The following NGLY1 variants were observed in gnomAD, a reference collection of about 807,000 sequenced individuals.
NGLY1 encodes the protein N-glycanase 1.
A neutral mutation model predicts 84.6 loss-of-function variants in NGLY1; 68 were observed. The ratio of observed to expected loss-of-function variants is 0.80; its 90% CI spans 0.66 to 0.98. The LOEUF is 0.98. NGLY1 is among the 50% of genes least tolerant of loss of function. The pLI is 0.00. For synonymous variants in NGLY1, 280 were observed against 275.2 expected (o/e 1.02, Z -0.17); for missense variants, 779 against 770.2 (o/e 1.01, Z -0.14).
At chr3:25,753,167 A>C (rs1218615572) in intron 3 of NGLY1, among the ~76,000 whole-genome samples, 1 of 152,200 alleles carries the variant, frequency 6.6e-6, no homozygotes, top group Admixed American at 6.5e-5. Context: ...ACAAAATCCT[A>C]AGAGTCTTCA....
At chr3:25,761,604 C>T (rs1338817617) in intron 3 of NGLY1, among the ~76,000 whole-genome samples, 1 of 152,212 alleles carries the variant, frequency 6.6e-6, no homozygotes, top group African/African-American at 2.4e-5. Flanking sequence ...TCACATATTT[C>T]TGATGATAAA....
intron 5 of NGLY1, among the ~76,000 whole-genome samples, chr3:25,738,758 T>A (rs1705971790): frequency 1.3e-5 from 2 of 151,974 alleles, no homozygotes; most frequent in Admixed American, 1.3e-4. Flanking sequence ...CCTCCCCATA[T>A]AGAGAAGAGC....
At chr3:25,774,429 G>A (rs1046194290) in intron 2 of NGLY1, among the ~76,000 whole-genome samples, 5 of 152,342 alleles carry the variant, frequency 3.3e-5, no homozygotes, top group Admixed American at 3.3e-4. Context: ...GGTTAGGCAT[G>A]TCTGAGAGCA....
At chr3:25,753,308 C>G (rs1459157309) in intron 3 of NGLY1, among the ~76,000 whole-genome samples, 1 of 152,064 alleles carries the variant, frequency 6.6e-6, no homozygotes, top group Admixed American at 6.5e-5. Flanking sequence ...CCCAGTTAAA[C>G]TAATCATGTA....
intron 1 of NGLY1, among the ~76,000 whole-genome samples, chr3:25,779,341 C>G (rs1198019654): frequency 6.6e-6 from 1 of 152,084 alleles, no homozygotes; most frequent in African/African-American, 2.4e-5. Context: ...AAGTAACCAG[C>G]ACATGAAAAG....
At chr3:25,756,129 G>A (rs1559547162) in intron 3 of NGLY1, among the ~76,000 whole-genome samples, 1 of 152,136 alleles carries the variant, frequency 6.6e-6, no homozygotes, top group Non-Finnish European at 1.5e-5. Flanking sequence ...TTTGGAAAGA[G>A]TGGATTTAGA....
intron 3 of NGLY1, among the ~76,000 whole-genome samples, chr3:25,757,030 G>A (rs1488860726): frequency 6.6e-6 from 1 of 152,112 alleles, no homozygotes; most frequent in Non-Finnish European, 1.5e-5. Flanking sequence ...TAAAATAAAT[G>A]TTCATATCAT....
intron 10 of NGLY1, among the ~76,000 whole-genome samples, chr3:25,726,506 G>A (rs1353262821): frequency 6.6e-6 from 1 of 152,150 alleles, no homozygotes; most frequent in Admixed American, 6.5e-5. Context: ...AGTGAGGCTT[G>A]GGCCAAGTGG....
chr3:25,722,250 T>C (rs1032754006), intron 10 of NGLY1, among the ~76,000 whole-genome samples: 2 of 141,846 alleles, frequency 1.4e-5, no homozygotes, highest in African/African-American at 5.0e-5. Context: ...ATTTAGTAAA[T>C]ATTATTAAAG....
chr3:25,759,019 T>C (rs1707176762), intron 3 of NGLY1, among the ~76,000 whole-genome samples: 1 of 152,182 alleles, frequency 6.6e-6, no homozygotes, highest in South Asian at 2.1e-4. Context: ...GTGATTCCAG[T>C]GGAACAACCT....
At chr3:25,723,821 A>C (rs76888762) in intron 10 of NGLY1, among the ~76,000 whole-genome samples, 2,664 of 146,710 alleles carry the variant, frequency 0.018, 83 homozygotes, top group African/African-American at 0.064. Context: ...CTAAAAGGTG[A>C]GTGTTGCTAT....
intron 2 of NGLY1, among the ~76,000 whole-genome samples, chr3:25,771,927 T>C (rs971817308): frequency 5.3e-5 from 8 of 152,190 alleles, no homozygotes; most frequent in Admixed American, 3.9e-4. Context: ...TAGGAGCTTT[T>C]TGGATGAGTC....
rs1403708002 is a variant in NGLY1 at position 25,783,352 on chromosome 3, C to G, written c.39G>C (p.Ala13=). The G allele has an allele frequency of 4.5e-6, 7 of 1,570,518 alleles. No individual in the cohort carries two copies. The South Asian group carries it at 8.1e-5, about 18-fold the overall frequency. Residue 13 remains alanine, a synonymous_variant, in exon 1 of 12, where the codon GCG becomes GCC. Coordinates refer to ENST00000280700, the MANE Select transcript of NGLY1 (RefSeq NM_018297.4). This position sits in a 1 kb window ranked among gnomAD's most constrained non-coding sequence, Gnocchi z 4.5. The stretch of plus-strand genomic sequence containing the variant: ...GGCAGAGCTCAGCCACGGCCGGGGA[C>G]GCCGAGCCTGAGGAGCTGCCCAATG... ...AAALGSSSGS[A]SPAVAELCQN...
At chr3:25,784,649 CATCT>C, upstream of NGLY1, among the ~76,000 whole-genome samples, 1 of 152,222 alleles carries the variant, frequency 6.6e-6, no homozygotes, top group Non-Finnish European at 1.5e-5. Flanking sequence ...CTTGATGTTT[CATCT>C]GTTTACTTTT....
chr3:25,764,328 T>C lies in NGLY1; in HGVS notation c.247-17A>G, dbSNP rs896386567. On this transcript the variant is annotated splice_polypyrimidine_tract_variant and intron_variant, in intron 2 of 11. Transcript: ENST00000280700. ...TGTTTCTCCCTGGAATTTATAAAATTAAAAAAAATGTGAACCTTTGCTTTA... is the reference window on the plus strand; with the variant it reads ...TGTTTCTCCCTGGAATTTATAAAATCAAAAAAAATGTGAACCTTTGCTTTA... 1.3e-6 allele frequency: 2 copies of C among 1,598,852 alleles called. No individual in the cohort carries two copies. Among genetic ancestry groups the C allele is most frequent in the Admixed American group, 3.6e-5 (2 of 56,266 alleles).
At chr3:25,781,419 C>G (rs563033772) in intron 1 of NGLY1, among the ~76,000 whole-genome samples, 1 of 152,208 alleles carries the variant, frequency 6.6e-6, no homozygotes, top group East Asian at 1.9e-4. Context: ...TAGACTGATA[C>G]CAAAGGCCTG....
chr3:25,726,076 CCCG>C (rs1031058679), intron 10 of NGLY1, among the ~76,000 whole-genome samples: 10 of 151,998 alleles, frequency 6.6e-5, no homozygotes, highest in Non-Finnish European at 1.2e-4. Context: ...GCCCCCTCAC[CCCG>C]CCAAAATGCT....
intron 2 of NGLY1, among the ~76,000 whole-genome samples, chr3:25,776,700 T>A (rs1173026302): frequency 6.6e-6 from 1 of 152,110 alleles, no homozygotes; most frequent in African/African-American, 2.4e-5. Flanking sequence ...TCCAATTAGT[T>A]GCTTAAACCA....
upstream of NGLY1, among the ~76,000 whole-genome samples, chr3:25,786,097 C>T (rs886613334): frequency 6.6e-6 from 1 of 152,192 alleles, no homozygotes; most frequent in African/African-American, 2.4e-5. Flanking sequence ...TGGAGGTTAA[C>T]TTTTTAATAT....
Sources: allele counts gnomAD v4.1 joint callset (sites outside exome capture counted in the v4.1 genomes callset), GRCh38; gene constraint gnomAD v4.1.1; non-coding constraint Gnocchi (gnomAD v3.1); transcripts MANE v1.5; gene names NCBI Gene and HGNC (gene_info 2026-07-23, HGNC 2026-07-21).